ASPHD1: variants seen among roughly 807,000 people sequenced by gnomAD.
ASPHD1 encodes the protein aspartate beta-hydroxylase domain containing 1.
ASPHD1 carries 20 observed loss-of-function variants against 28.3 expected under a neutral mutation model. That is an observed-to-expected ratio of 0.71 (90% CI 0.50 to 1.03). The LOEUF (loss-of-function observed/expected upper bound fraction) is 1.03, where lower values mean the gene tolerates loss of function less well. Among genes scored for constraint, ASPHD1 ranks in the 50% least tolerant of loss-of-function variants. The pLI is 0.00. For missense variants in ASPHD1, 479 were observed against 524.1 expected (o/e 0.91, Z 0.84); for synonymous variants, 240 against 221.2 (o/e 1.08, Z -0.75).
In ASPHD1 at chr16:29,901,965, TC is replaced by T. The variant is rs755467710; in HGVS notation, c.949+52del. 26 of 1,392,616 alleles carry T rather than the reference TC, an allele frequency of 1.9e-5. No individual in the cohort carries two copies. The highest frequency in any genetic ancestry group is 2.7e-5 in the East Asian group (1 of 37,012). The allele number at this position is 1,392,616 out of a possible 1,614,324, so 86.3% of individuals were successfully genotyped here. The stretch of plus-strand genomic sequence containing the variant: ...TGACAACCTCCTTGCCTCGATGATT[TC>T]CCCCCCAGACCCTTCTCTCCGCCAG... On this transcript the variant is annotated intron_variant, in intron 1 of 2. Transcript: ENST00000308748. The surrounding 1 kb of genome is among the most constrained non-coding windows in gnomAD (Gnocchi z 5.1).
chr16:29,919,816 A>G (rs1246406235), downstream of ASPHD1: 1 of 152,166 alleles, frequency 6.6e-6, no homozygotes, highest in Admixed American at 6.6e-5. Flanking sequence ...TTTTTAGATT[A>G]TTTGTGTTTC....
rs1276145677 is a variant in ASPHD1, at chr16:29,904,928, G to A, written c.1026G>A (p.Leu342=). ...PQCWAEGHCL[L]VDDSFLHTVA... is the part of the protein sequence containing the mutation. ...GCTGGGCTGAGGGGCACTGTCTACT[G>A]GTGGACGACTCTTTTCTACACACAG... Residue 342 remains leucine (L), a synonymous_variant, in exon 2 of 3, where the codon CTG becomes CTA. Transcript: ENST00000308748. The A allele has an allele frequency of 6.2e-7, 1 of 1,613,556 alleles. No homozygotes were observed. Among genetic ancestry groups the A allele is most frequent in the African/African-American group, 1.3e-5 (1 of 74,984 alleles).
Position 29,906,004 on chromosome 16 carries a change from GGA to G in ASPHD1, c.*108_*109del. 1 of 639,974 alleles carries G rather than the reference GGA, an allele frequency of 1.6e-6. No individual in the cohort carries two copies. The highest frequency in any genetic ancestry group is 2.7e-6 in the Non-Finnish European group (1 of 373,798). The allele number at this position is 639,974 out of a possible 1,614,324, so 39.6% of individuals were successfully genotyped here. ...TACTGCGGGGGTGGGCGGGGGCGGA[GGA>G]TGGGAACTGGCTAGTGAGCACTGAA... is the stretch of plus-strand genomic sequence containing the variant. On this transcript the variant is annotated 3_prime_UTR_variant, in exon 3 of 3. Coordinates refer to ENST00000308748, the MANE Select transcript of ASPHD1 (RefSeq NM_181718.4).
chr16:29,905,217 T>C, intron 2 of ASPHD1: 1 of 391,074 alleles, frequency 2.6e-6, no homozygotes, highest in South Asian at 2.9e-5. Context: ...GGACTCTGGG[T>C]TCCTGTCCTA....
At chr16:29,900,387 C>T (rs1465298897), upstream of ASPHD1, 2 of 152,714 alleles carry the variant, frequency 1.3e-5, no homozygotes, top group African/African-American at 4.9e-5. Context: ...TGCGGGACGG[C>T]TGGAGGCTGG....
In ASPHD1 at chr16:29,903,061, A is replaced by T. The variant is rs536439456; in HGVS notation, c.949+1141A>T. Among the ~76,000 whole-genome samples, 5 of 151,078 alleles carry T rather than the reference A, an allele frequency of 3.3e-5. No homozygotes were observed. In the East Asian group the frequency reaches 1.0e-3, roughly 30 times the overall value. On this transcript the variant is annotated intron_variant, in intron 1 of 2. Transcript: ENST00000308748. ...CACCACCATGCTTGGCTGATTTTTT[A>T]AAAATTTACGTAGGCCAGGCGCGGT...
chr16:29,912,194 T>G, intron 3 of ASPHD1: 1 of 658,338 alleles, frequency 1.5e-6, no homozygotes, highest in African/African-American at 1.9e-5. Context: ...CGCCAGCCTC[T>G]CTGCCACTCT....
chr16:29,916,426 C>A (rs1349190548), intron 3 of ASPHD1, among the ~76,000 whole-genome samples: 1 of 152,212 alleles, frequency 6.6e-6, no homozygotes, highest in African/African-American at 2.4e-5. Flanking sequence ...TACTAACAAT[C>A]TCCTCAAAGT....
At position 29,912,162 on chromosome 16, in the gene ASPHD1, G is replaced by A. The variant is rs544168751; in HGVS notation, c.*62+6203G>A. 10 of 718,248 alleles carry A rather than the reference G, an allele frequency of 1.4e-5. No individual in the cohort carries two copies. In the East Asian group the frequency reaches 1.9e-4, roughly 14 times the overall value. 44.5% of individuals were successfully genotyped at this position (718,248 alleles called of 1,614,324 possible). ...ACTCCAGACTCCTCAGTGGTCCGCAGGGCTCTGCAGGCTCCAAGCTCCGCC... is the reference window on the plus strand; with the variant it reads ...ACTCCAGACTCCTCAGTGGTCCGCAAGGCTCTGCAGGCTCCAAGCTCCGCC... On this transcript the variant is annotated intron_variant and NMD_transcript_variant, in intron 3 of 3. Transcript: ENST00000414952.
At chr16:29,908,358 CA>C (rs2068648866), downstream of ASPHD1, among the ~76,000 whole-genome samples, 2 of 152,042 alleles carry the variant, frequency 1.3e-5, no homozygotes, top group African/African-American at 4.8e-5. Context: ...CAGCTCTTAG[CA>C]AACTGTTTTT....
At chr16:29,911,711 T>A in intron 3 of ASPHD1, 1 of 1,240,794 alleles carries the variant, frequency 8.1e-7, no homozygotes, top group Admixed American at 2.0e-5. Flanking sequence ...CAGGCACAGA[T>A]GTTCTTGTAG....
At chr16:29,912,293 G>T in intron 3 of ASPHD1, 1 of 562,476 alleles carries the variant, frequency 1.8e-6, no homozygotes, top group South Asian at 2.3e-5. Flanking sequence ...CTGTGCCCCT[G>T]CCCGGGATGC....
Position 29,905,990 on chromosome 16 carries a change from TGGGCGGGGGCGGA to T in ASPHD1, c.*96_*108del. The T allele has an allele frequency of 2.1e-5, 9 of 428,256 alleles. No homozygotes were observed. The highest frequency in any genetic ancestry group is 3.6e-5 in the Non-Finnish European group (8 of 224,714). The allele number at this position is 428,256 out of a possible 1,614,324, so 26.5% of individuals were successfully genotyped here. Reference sequence around the variant, plus strand: ...CAGGACCTCCTCTCTACTGCGGGGGTGGGCGGGGGCGGAGGATGGGAACTGGCTAGTGAGCACT... The same window carrying T: ...CAGGACCTCCTCTCTACTGCGGGGGTGGATGGGAACTGGCTAGTGAGCACT... On this transcript the variant is annotated 3_prime_UTR_variant, in exon 3 of 3. Transcript: ENST00000308748.
chr16:29,901,470 C>G lies in ASPHD1; in HGVS notation c.499C>G (p.Arg167Gly), dbSNP rs768381793. ...YSWAGMGRVR[R>G]AAQGGPGPGR... is the part of the protein sequence containing the mutation. ...CTGGGCTGGGATGGGTAGAGTGAGG[C>G]GGGCAGCTCAGGGTGGCCCAGGCCC... Residue 167 changes from arginine (R) to glycine (G), a missense_variant, in exon 1 of 3, where the codon CGG becomes GGG. Transcript: ENST00000308748. The surrounding 1 kb of genome is among the most constrained non-coding windows in gnomAD (Gnocchi z 5.1). 6.3e-7 allele frequency: 1 copy of G among 1,586,894 alleles called. No individual in the cohort carries two copies. The highest frequency in any genetic ancestry group is 2.2e-5 in the East Asian group (1 of 44,756).
chr16:29,902,354 A>G (rs1253803366), intron 1 of ASPHD1, among the ~76,000 whole-genome samples: 1 of 152,138 alleles, frequency 6.6e-6, no homozygotes, highest in African/African-American at 2.4e-5. Context: ...ACTGGAGCTC[A>G]GCAGTTTGAG....
At chr16:29,907,124 C>T (rs777105072), downstream of ASPHD1, 23 of 1,571,812 alleles carry the variant, frequency 1.5e-5, no homozygotes, top group East Asian at 6.8e-5. Flanking sequence ...AAAGGCCAGC[C>T]GGCCCCAGCT....
At position 29,906,003 on chromosome 16, in the gene ASPHD1, A is replaced by G; in HGVS notation, c.*106A>G. The G allele has an allele frequency of 1.2e-4, 48 of 399,656 alleles. No individual in the cohort carries two copies. Among genetic ancestry groups the G allele is most frequent in the Middle Eastern group, 6.2e-4 (1 of 1,602 alleles). 24.8% of individuals were successfully genotyped at this position (399,656 alleles called of 1,614,324 possible). On this transcript the variant is annotated 3_prime_UTR_variant, in exon 3 of 3. Transcript: ENST00000308748. ...CTACTGCGGGGGTGGGCGGGGGCGG[A>G]GGATGGGAACTGGCTAGTGAGCACT...
At chr16:29,904,992 G>A (rs918478663) in intron 2 of ASPHD1, 27 bp downstream of exon 2, 1 of 1,555,330 alleles carries the variant, frequency 6.4e-7, no homozygotes, top group African/African-American at 1.4e-5. Flanking sequence ...TCTGCAGGGG[G>A]GATGAGGGAC....
chr16:29,900,801 G>A lies in ASPHD1; in HGVS notation c.-171G>A. The A allele has an allele frequency of 1.5e-6, 1 of 651,502 alleles. No individual in the cohort carries two copies. Among genetic ancestry groups the A allele is most frequent in the South Asian group, 2.0e-5 (1 of 50,424 alleles). 40.4% of individuals were successfully genotyped at this position (651,502 alleles called of 1,614,324 possible). ...CGGGGAGAGAGAGCGAGCGAAAAGC[G>A]GGGGTGGGGAGGAAAGGGGGAGATT... On this transcript the variant is annotated 5_prime_UTR_variant, in exon 1 of 3. Transcript: ENST00000308748.
Sources: allele counts gnomAD v4.1 joint callset (sites outside exome capture counted in the v4.1 genomes callset), GRCh38; gene constraint gnomAD v4.1.1; non-coding constraint Gnocchi (gnomAD v3.1); transcripts MANE v1.5; gene names NCBI Gene and HGNC (gene_info 2026-07-23, HGNC 2026-07-21).